ANXA8: variants seen among roughly 807,000 people sequenced by gnomAD.
ANXA8 encodes annexin A8.
ANXA8 carries 9 observed loss-of-function variants against 26.8 expected under a neutral mutation model. The observed-to-expected ratio is 0.34, with a 90% CI of 0.20 to 0.59. The LOEUF is 0.59. Among genes scored for constraint, ANXA8 ranks in the 20% least tolerant of loss-of-function variants. ANXA8 has a pLI of 0.84. For synonymous variants in ANXA8, 39 were observed against 94.8 expected (o/e 0.41, Z 3.42); for missense variants, 83 against 238.5 (o/e 0.35, Z 4.29).
chr10:47,526,189 C>T, the ANXA8 span, among the ~76,000 whole-genome samples: 8 of 127,048 alleles, frequency 6.3e-5, no homozygotes, highest in South Asian at 2.5e-4. Context: ...ACCTCCACCT[C>T]CTGGGTCCAA....
chr10:47,761,016 GC>G, the ANXA8 span: 1 of 1,179,406 alleles, frequency 8.5e-7, no homozygotes, highest in Admixed American at 2.6e-5. Flanking sequence ...AGCACCAGGG[GC>G]TGGAGGAAGA....
the ANXA8 span, among the ~76,000 whole-genome samples, chr10:47,743,809 A>C: frequency 1.3e-5 from 2 of 149,238 alleles, no homozygotes; most frequent in African/African-American, 5.0e-5. Flanking sequence ...CTGACCTGTT[A>C]ATCACGTCCC....
At chr10:47,501,902 AAT>A in the ANXA8 span, 1 of 1,124,178 alleles carries the variant, frequency 8.9e-7, no homozygotes, top group Non-Finnish European at 1.2e-6. Context: ...AAGGACATAA[AAT>A]ATGTCTTATG....
chr10:47,590,751 C>T, the ANXA8 span, among the ~76,000 whole-genome samples: 1 of 143,824 alleles, frequency 7.0e-6, no homozygotes, highest in Admixed American at 6.7e-5. Context: ...GACAGAGGAA[C>T]TGAAACCCAC....
chr10:47,763,802 G>A, the ANXA8 span, among the ~76,000 whole-genome samples: 2 of 148,520 alleles, frequency 1.3e-5, no homozygotes, highest in African/African-American at 5.0e-5. Context: ...GGGGGGGGAG[G>A]GGGTGGTTGT....
At chr10:47,595,083 A>G in the ANXA8 span, among the ~76,000 whole-genome samples, 1 of 148,944 alleles carries the variant, frequency 6.7e-6, no homozygotes, top group East Asian at 1.9e-4. Flanking sequence ...AAGAAACCTT[A>G]CAATCCAGCA....
chr10:47,469,147 A>T (rs1261890423), intron 11 of ANXA8, among the ~76,000 whole-genome samples: 2 of 148,290 alleles, frequency 1.3e-5, no homozygotes, highest in Non-Finnish European at 3.0e-5. Flanking sequence ...GTGGAAAATG[A>T]ATCAGAGACA....
At chr10:47,711,301 A>G in the ANXA8 span, among the ~76,000 whole-genome samples, 1 of 150,088 alleles carries the variant, frequency 6.7e-6, no homozygotes, top group Non-Finnish European at 1.5e-5. Flanking sequence ...TGTTTCATTA[A>G]AATAGTATAG....
At chr10:47,979,035 T>G in the ANXA8 span, among the ~76,000 whole-genome samples, 7 of 151,678 alleles carry the variant, frequency 4.6e-5, no homozygotes, top group Non-Finnish European at 1.5e-5. Flanking sequence ...ATACTAACAG[T>G]AGACCAAATA....
chr10:47,748,622 C>G, the ANXA8 span, among the ~76,000 whole-genome samples: 3 of 152,196 alleles, frequency 2.0e-5, no homozygotes, highest in Admixed American at 2.0e-4. Context: ...TTCTTTTCCC[C>G]TCCCTCCCTC....
the ANXA8 span, among the ~76,000 whole-genome samples, chr10:47,687,480 G>A: frequency 6.6e-6 from 1 of 151,732 alleles, no homozygotes; most frequent in Non-Finnish European, 1.5e-5. Context: ...GGCCAGGCTG[G>A]TCTCGGACTC....
the ANXA8 span, among the ~76,000 whole-genome samples, chr10:47,521,452 G>A: frequency 7.2e-6 from 1 of 139,816 alleles, no homozygotes; most frequent in African/African-American, 2.7e-5. Context: ...CACTCATAAT[G>A]AGTCTTAATT....
chr10:47,704,311 G>A, the ANXA8 span, among the ~76,000 whole-genome samples: 1 of 142,808 alleles, frequency 7.0e-6, no homozygotes, highest in African/African-American at 2.5e-5. Flanking sequence ...GTTTTTAAAA[G>A]AGCTGTATAC....
chr10:47,584,001 G>A, the ANXA8 span, among the ~76,000 whole-genome samples: 11 of 120,208 alleles, frequency 9.2e-5, 1 homozygote, highest in Non-Finnish European at 1.3e-4. Flanking sequence ...GCACCCTGGC[G>A]AAACCCCTTC....
the ANXA8 span, among the ~76,000 whole-genome samples, chr10:47,928,826 G>A: frequency 8.7e-6 from 1 of 114,474 alleles, no homozygotes; most frequent in Non-Finnish European, 1.8e-5. Context: ...CATGAACATA[G>A]CTCACTGCAA....
chr10:47,552,476 C>CA, the ANXA8 span, among the ~76,000 whole-genome samples: 1 of 151,970 alleles, frequency 6.6e-6, no homozygotes, highest in Non-Finnish European at 1.5e-5. Context: ...TATGAACTTC[C>CA]AATAGGATCG....
At chr10:47,498,003 C>A in the ANXA8 span, among the ~76,000 whole-genome samples, 1 of 151,712 alleles carries the variant, frequency 6.6e-6, no homozygotes, top group South Asian at 2.1e-4. Flanking sequence ...AAATTTACTA[C>A]CTTAACCACT....
chr10:47,763,753 G>T, the ANXA8 span, among the ~76,000 whole-genome samples: 1 of 147,514 alleles, frequency 6.8e-6, no homozygotes. Flanking sequence ...GGGAGCGAAA[G>T]GAATGTGTGT....
At chr10:47,975,928 G>A in the ANXA8 span, among the ~76,000 whole-genome samples, 1 of 147,648 alleles carries the variant, frequency 6.8e-6, no homozygotes, top group Non-Finnish European at 1.5e-5. Context: ...AAAAAACTTA[G>A]ACTCAATATT....
Sources: gnomAD v4.1 joint callset for allele counts (sites outside exome capture counted in the v4.1 genomes callset) on GRCh38, gnomAD v4.1.1 for gene constraint, MANE v1.5 for transcripts, NCBI Gene and HGNC (gene_info 2026-07-23, HGNC 2026-07-21) for gene names.